The following C11orf65 variants were observed in gnomAD, a reference collection of about 807,000 sequenced individuals.
C11orf65 encodes the protein protein MFI.
C11orf65 carries 38 observed loss-of-function variants against 35.3 expected under a neutral mutation model. The ratio of observed to expected loss-of-function variants is 1.08; its 90% CI spans 0.83 to 1.41. The LOEUF is 1.41. Among genes scored for constraint, C11orf65 ranks in the 40% most tolerant of loss-of-function variants. The pLI is 0.00. For synonymous variants in C11orf65, 105 were observed against 114.4 expected (o/e 0.92, Z 0.53); for missense variants, 370 against 367.1 (o/e 1.01, Z -0.06).
At chr11:108,363,521 C>T (rs1490788892) in intron 2 of C11orf65, among the ~76,000 whole-genome samples, 4 of 152,138 alleles carry the variant, frequency 2.6e-5, no homozygotes, top group African/African-American at 9.7e-5. Flanking sequence ...TGTCTGGAGG[C>T]ATTTTTATTG....
At chr11:108,379,926 G>A (rs2091833225), downstream of C11orf65, among the ~76,000 whole-genome samples, 1 of 152,144 alleles carries the variant, frequency 6.6e-6, no homozygotes, top group South Asian at 2.1e-4. Flanking sequence ...AAGTTTATTT[G>A]CTGTGAATTG....
Position 108,310,096 on chromosome 11 carries a change from C to A in C11orf65, c.641-1025G>T, listed in dbSNP as rs557638014. The A allele has an allele frequency of 1.4e-5, 22 of 1,525,214 alleles. No homozygotes were observed. In the East Asian group the frequency reaches 4.3e-4, roughly 30 times the overall value. 94.5% of individuals were successfully genotyped at this position (1,525,214 alleles called of 1,614,324 possible). Reference sequence around the variant, plus strand: ...TCACTACCATTGTATTCTATATCAACATGCTTTTATTTTGATATTGAAGTT... The same window carrying A: ...TCACTACCATTGTATTCTATATCAAAATGCTTTTATTTTGATATTGAAGTT... On this transcript the variant is annotated intron_variant, in intron 6 of 6. Transcript: ENST00000525729.
At chr11:108,399,058 A>C (rs1424202181) in intron 6 of C11orf65, among the ~76,000 whole-genome samples, 3 of 152,258 alleles carry the variant, frequency 2.0e-5, no homozygotes, top group African/African-American at 7.2e-5. Context: ...GTGAGGGGGA[A>C]GACCAAGTTG....
At chr11:108,413,884 A>G (rs1192447269) in intron 3 of C11orf65, among the ~76,000 whole-genome samples, 1 of 152,146 alleles carries the variant, frequency 6.6e-6, no homozygotes, top group Non-Finnish European at 1.5e-5. Flanking sequence ...ACGAAAATAC[A>G]ACTTACTAAA....
At chr11:108,457,665 T>A (rs1179423635) in intron 2 of C11orf65, among the ~76,000 whole-genome samples, 2 of 151,992 alleles carry the variant, frequency 1.3e-5, no homozygotes, top group Admixed American at 1.3e-4. Flanking sequence ...TTAAAAACGG[T>A]TGCTTTTAGT....
Position 108,383,113 on chromosome 11 carries a change from G to T in C11orf65, c.850C>A (p.Gln284Lys). 6.2e-7 allele frequency: 1 copy of T among 1,611,804 alleles called. No homozygotes were observed. Reference protein sequence around the residue: ...YNYGGDISKMQMGIPDDTYYE... With the variant: ...YNYGGDISKMKMGIPDDTYYE... ...TAAGTATCATCTGGTATTCCCATTT[G>T]CATCTTTGATATGTCTCCTCCATAG... The change falls in exon 9 of 9, where the codon CAA becomes AAA. Residue 284 changes from glutamine (Q) to lysine (K), a missense_variant. Coordinates refer to ENST00000393084, the MANE Select transcript of C11orf65 (RefSeq NM_152587.5).
chr11:108,395,536 C>A, intron 6 of C11orf65, among the ~76,000 whole-genome samples: 1 of 151,624 alleles, frequency 6.6e-6, no homozygotes, highest in East Asian at 1.9e-4. Flanking sequence ...CCAGGCTGGT[C>A]TCAAACTCCT....
chr11:108,368,853 T>C (rs1161745621), intron 2 of C11orf65: 2 of 201,856 alleles, frequency 9.9e-6, no homozygotes, highest in African/African-American at 4.6e-5. Context: ...GCTAAAAATT[T>C]AAATATGGTC....
intron 3 of C11orf65, among the ~76,000 whole-genome samples, chr11:108,422,694 T>C (rs1218356875): frequency 2.6e-5 from 4 of 152,040 alleles, no homozygotes; most frequent in African/African-American, 7.2e-5. Context: ...CCATCCTGGC[T>C]AACATGGTGA....
chr11:108,446,175 T>A (rs1267409004), intron 2 of C11orf65, among the ~76,000 whole-genome samples: 1 of 150,880 alleles, frequency 6.6e-6, no homozygotes, highest in African/African-American at 2.4e-5. Flanking sequence ...CTGAAAGTGA[T>A]GGGGAGAATG....
intron 2 of C11orf65, among the ~76,000 whole-genome samples, chr11:108,364,493 A>G (rs188858526): frequency 6.6e-6 from 1 of 152,334 alleles, no homozygotes; most frequent in African/African-American, 2.4e-5. Context: ...TCAAGATTCC[A>G]AACGCAGCAC....
chr11:108,328,955 T>C, downstream of C11orf65: 1 of 1,464,474 alleles, frequency 6.8e-7, no homozygotes, highest in Non-Finnish European at 9.5e-7. Flanking sequence ...TACCTTAATT[T>C]GAGTGATTCT....
At chr11:108,341,025 C>G (rs1591233420) in intron 2 of C11orf65, among the ~76,000 whole-genome samples, 1 of 151,994 alleles carries the variant, frequency 6.6e-6, no homozygotes, top group East Asian at 1.9e-4. Flanking sequence ...GTTCAGAACC[C>G]CACATGAGTT....
At chr11:108,330,299 A>G, downstream of C11orf65, 2 of 1,614,204 alleles carry the variant, frequency 1.2e-6, no homozygotes, top group African/African-American at 1.3e-5. Context: ...CTTCTTATGT[A>G]AAGCAGTTGA....
chr11:108,415,829 G>A (rs1305552379), intron 3 of C11orf65, among the ~76,000 whole-genome samples: 1 of 152,068 alleles, frequency 6.6e-6, no homozygotes, highest in Non-Finnish European at 1.5e-5. Context: ...ACTATTCTCT[G>A]ACAAAGGGGC....
intron 3 of C11orf65, 125 bp downstream of exon 3, chr11:108,431,619 CAT>C: frequency 4.4e-6 from 2 of 454,130 alleles, no homozygotes; most frequent in Non-Finnish European, 7.5e-6. Context: ...GAACTTTCAA[CAT>C]ATGTGTAATA....
At chr11:108,393,964 G>A (rs1358171168) in intron 6 of C11orf65, among the ~76,000 whole-genome samples, 1 of 152,026 alleles carries the variant, frequency 6.6e-6, no homozygotes, top group Non-Finnish European at 1.5e-5. Flanking sequence ...GGTGGATCAC[G>A]AAGTCAGGAG....
intron 7 of C11orf65, among the ~76,000 whole-genome samples, chr11:108,391,039 TTGCATCATTATTCTCTCCCC>T (rs1182117953): frequency 6.6e-6 from 1 of 152,090 alleles, no homozygotes; most frequent in African/African-American, 2.4e-5. Flanking sequence ...TTATCTTTCC[TTGCATCATTATTCTCTCCCC>T]TGCTTCCTCT....
chr11:108,409,001 A>G (rs1457824046), intron 3 of C11orf65, among the ~76,000 whole-genome samples: 1 of 152,132 alleles, frequency 6.6e-6, no homozygotes, highest in Non-Finnish European at 1.5e-5. Context: ...CATATTTTCT[A>G]TATTTGAGCC....
Sources: allele counts gnomAD v4.1 joint callset (sites outside exome capture counted in the v4.1 genomes callset), GRCh38; gene constraint gnomAD v4.1.1; transcripts MANE v1.5; gene names NCBI Gene and HGNC (gene_info 2026-07-23, HGNC 2026-07-21).